GRIK3: variants seen among roughly 807,000 people sequenced by gnomAD.
GRIK3 encodes the protein glutamate receptor ionotropic, kainate 3.
In GRIK3, 29 loss-of-function variants were observed where a neutral mutation model predicts 102.5. The ratio of observed to expected loss-of-function variants is 0.28; its 90% CI spans 0.21 to 0.39. The LOEUF is 0.39. Among genes scored for constraint, GRIK3 ranks in the 10% least tolerant of loss-of-function variants. The probability of loss-of-function intolerance (pLI) is 1.00; values close to 1 mark genes in which losing one functional copy is unlikely to be tolerated. For missense variants in GRIK3, 908 were observed against 1,252.4 expected, an observed-to-expected ratio of 0.73 and a Z score of 4.15; for synonymous variants, 511 against 504.9, an observed-to-expected ratio of 1.01 and a Z score of -0.16.
rs374854156 is a variant in GRIK3, at chr1:36,920,996, G to GCT, written c.116-29902_116-29901dup. Among the ~76,000 whole-genome samples the GCT allele has an allele frequency of 6.2e-3, 939 of 152,368 alleles. 12 individuals are homozygous for GCT. The highest frequency in any genetic ancestry group is 0.021 in the African/African-American group (889 of 41,586). On this transcript the variant is annotated intron_variant, in intron 1 of 15. Transcript: ENST00000373091. ...GCCGAAGAGGTGGGAATCACCCTCT[G>GCT]CTGGGAAGCCAGCATGGAAAGCAAG...
At chr1:36,851,778 A>T (rs542010976) in intron 8 of GRIK3, among the ~76,000 whole-genome samples, 2 of 152,224 alleles carry the variant, frequency 1.3e-5, no homozygotes, top group Admixed American at 6.5e-5. Flanking sequence ...AGTATTAGCT[A>T]CGGCCAATTT....
At chr1:36,854,883 AG>A (rs565107166) in intron 7 of GRIK3, among the ~76,000 whole-genome samples, 69 of 152,326 alleles carry the variant, frequency 4.5e-4, no homozygotes, top group South Asian at 4.1e-3. Flanking sequence ...GCAGACCTCA[AG>A]GGGGCCATGG....
chr1:36,879,951 C>T (rs1234462635), intron 3 of GRIK3, among the ~76,000 whole-genome samples: 1 of 152,086 alleles, frequency 6.6e-6, no homozygotes, highest in African/African-American at 2.4e-5. Flanking sequence ...TGTGTGCGAG[C>T]AGAGCTGGGC....
intron 1 of GRIK3, among the ~76,000 whole-genome samples, chr1:37,003,843 C>A (rs1281786216): frequency 1.3e-5 from 2 of 152,150 alleles, no homozygotes. Flanking sequence ...GGGCCATCTC[C>A]CACCTCCTGT....
chr1:36,924,367 C>T (rs902138078), intron 1 of GRIK3, among the ~76,000 whole-genome samples: 2 of 152,182 alleles, frequency 1.3e-5, no homozygotes, highest in African/African-American at 4.8e-5. Context: ...GCAATTTTGG[C>T]ATCCTCCGCC....
intron 3 of GRIK3, among the ~76,000 whole-genome samples, chr1:36,878,239 A>G (rs1462515660): frequency 2.0e-5 from 3 of 152,214 alleles, no homozygotes; most frequent in Admixed American, 6.5e-5. Flanking sequence ...CAACTCCACA[A>G]TGCAGCAGAA....
chr1:36,993,248 C>T (rs979093621), intron 1 of GRIK3, among the ~76,000 whole-genome samples: 3 of 152,076 alleles, frequency 2.0e-5, no homozygotes, highest in Non-Finnish European at 2.9e-5. Context: ...ACCACTTTGC[C>T]TCTTGTTGGA....
chr1:36,880,805 C>T lies in GRIK3; in HGVS notation c.379G>A (p.Ala127Thr). Residue 127 changes from alanine to threonine, a missense_variant, in exon 3 of 16, where the codon GCC (alanine) becomes ACC (threonine). Around this residue, in one of 3 missense-constraint regions of GRIK3, gnomAD observed 585 missense variants for 824.9 expected, o/e 0.71. Transcript: ENST00000373091. The surrounding 1 kb of genome is among the most constrained non-coding windows in gnomAD (Gnocchi z 5.4). ...CTNAVQSICN[A>T]LEVPHIQLRW... ...AGCTGGATGTGGGGCACCTCCAGGG[C>T]ATTGCAGATGGACTGGACGGCATTG... The T allele has an allele frequency of 6.2e-7, 1 of 1,614,168 alleles. No homozygotes were observed. The highest frequency in any genetic ancestry group is 8.5e-7 in the Non-Finnish European group (1 of 1,180,010).
chr1:36,988,377 A>G (rs1470430325), intron 1 of GRIK3, among the ~76,000 whole-genome samples: 1 of 152,222 alleles, frequency 6.6e-6, no homozygotes, highest in Admixed American at 6.5e-5. Flanking sequence ...GTGGGGCAGG[A>G]GCAATGCTGC....
intron 1 of GRIK3, among the ~76,000 whole-genome samples, chr1:36,986,603 C>T (rs1225259454): frequency 1.3e-5 from 2 of 152,206 alleles, no homozygotes; most frequent in Non-Finnish European, 2.9e-5. Context: ...CCTCAAGGAG[C>T]TCCCAGCCTG....
intron 1 of GRIK3, among the ~76,000 whole-genome samples, chr1:36,971,496 C>G (rs1642141261): frequency 2.0e-5 from 3 of 152,196 alleles, no homozygotes. Context: ...ACTTAACACA[C>G]TTAGAGTTGG....
chr1:36,983,442 C>G (rs1642270929), intron 1 of GRIK3, among the ~76,000 whole-genome samples: 1 of 152,120 alleles, frequency 6.6e-6, no homozygotes, highest in African/African-American at 2.4e-5. Flanking sequence ...GGTGATAACT[C>G]CAGGGAACAC....
At chr1:36,879,638 A>G (rs1640944137) in intron 3 of GRIK3, among the ~76,000 whole-genome samples, 1 of 152,192 alleles carries the variant, frequency 6.6e-6, no homozygotes, top group Non-Finnish European at 1.5e-5. Context: ...AGGGGGTATC[A>G]CATTGGAGCA....
chr1:37,030,622 C>A (rs1306597304), intron 1 of GRIK3, among the ~76,000 whole-genome samples: 1 of 144,614 alleles, frequency 6.9e-6, no homozygotes, highest in Non-Finnish European at 1.5e-5. Flanking sequence ...GGCTGGAGAT[C>A]GCCACCATCC....
intron 9 of GRIK3, among the ~76,000 whole-genome samples, chr1:36,843,984 C>G (rs1428265689): frequency 1.3e-5 from 2 of 152,242 alleles, no homozygotes; most frequent in African/African-American, 4.8e-5. Context: ...CAGTGGAAGA[C>G]CCGGTGAAGA....
chr1:36,898,578 G>A lies in GRIK3; in HGVS notation c.116-7482C>T, dbSNP rs77559443. ...TACATCCCATGTTCATGGACTGGAA[G>A]ACTTAATATTGTTAAGGTGTCAATA... On this transcript the variant is annotated intron_variant, in intron 1 of 15. Transcript: ENST00000373091. 7.1e-4 allele frequency among the ~76,000 whole-genome samples: 108 copies of A among 152,224 alleles called. 2 individuals are homozygous for A. The South Asian group carries it at 8.9e-3, about 13-fold the overall frequency.
intron 10 of GRIK3, among the ~76,000 whole-genome samples, chr1:36,826,673 C>CAAAA (rs1168000653): frequency 9.2e-6 from 1 of 108,336 alleles, no homozygotes; most frequent in African/African-American, 3.6e-5. Flanking sequence ...GATCTTGTTT[C>CAAAA]AAAAAATAAA....
intron 1 of GRIK3, among the ~76,000 whole-genome samples, chr1:37,024,257 C>A (rs564355042): frequency 6.6e-6 from 1 of 152,084 alleles, no homozygotes; most frequent in Non-Finnish European, 1.5e-5. Flanking sequence ...GAAATAAATG[C>A]CTTTGTGTTT....
intron 15 of GRIK3, among the ~76,000 whole-genome samples, chr1:36,802,374 C>T (rs985575669): frequency 5.3e-5 from 8 of 152,280 alleles, no homozygotes; most frequent in East Asian, 1.9e-4. Context: ...TCACTAGACT[C>T]GGAGGGCAGG....
Sources: allele counts gnomAD v4.1 joint callset (sites outside exome capture counted in the v4.1 genomes callset), GRCh38; gene constraint gnomAD v4.1.1; regional missense constraint gnomAD v4.1.1; non-coding constraint Gnocchi (gnomAD v3.1); transcripts MANE v1.5; gene names NCBI Gene and HGNC (gene_info 2026-07-23, HGNC 2026-07-21).